Variants in PEAR1 observed in about 807,000 individuals in gnomAD.
PEAR1 encodes multiple EGF-like domains protein 12.
In PEAR1, 113 loss-of-function variants were observed where a neutral mutation model predicts 131.2. That is an observed-to-expected ratio of 0.86 (90% CI 0.74 to 1.01). PEAR1 has a LOEUF of 1.01. Among genes scored for constraint, PEAR1 ranks in the 50% least tolerant of loss-of-function variants. The probability of loss-of-function intolerance (pLI) is 0.00; values close to 1 mark genes in which losing one functional copy is unlikely to be tolerated. For synonymous variants in PEAR1, 565 were observed against 523.3 expected, an observed-to-expected ratio of 1.08 and a Z score of -1.09; for missense variants, 1,408 against 1,391.1, an observed-to-expected ratio of 1.01 and a Z score of -0.19.
At position 156,905,339 on chromosome 1, in the gene PEAR1, C is replaced by G; in HGVS notation, c.222C>G (p.Thr74=). The change falls in exon 4 of 23, where the codon ACC becomes ACG. Residue 74 remains threonine (T), a synonymous_variant. Coordinates refer to ENST00000292357, the MANE Select transcript of PEAR1 (RefSeq NM_001080471.3). ...GCCTCCGCAGGGTTGTATACCGGAC[C>G]GTGTACCGTCAGGTGGTGAAGACGG... ...TCPQPTVVYR[T]VYRQVVKTDH... 1.2e-6 allele frequency: 2 copies of G among 1,612,022 alleles called. No homozygotes were observed. Among genetic ancestry groups the G allele is most frequent in the South Asian group, 2.2e-5 (2 of 91,014 alleles).
intron 1 of PEAR1, among the ~76,000 whole-genome samples, chr1:156,897,777 T>C (rs1649302872): frequency 1.3e-5 from 2 of 152,094 alleles, no homozygotes; most frequent in East Asian, 1.9e-4. Flanking sequence ...ATTTCAGGGG[T>C]GGCCTGAGCC....
intron 14 of PEAR1, 62 bp downstream of exon 14, chr1:156,910,442 C>T: frequency 4.5e-6 from 7 of 1,546,316 alleles, no homozygotes; most frequent in Non-Finnish European, 5.2e-6. Context: ...TGTCAGCTGC[C>T]AGAGCACCCC....
chr1:156,910,706 C>T lies in PEAR1; in HGVS notation c.1914C>T (p.Tyr638=). ...SFCHPSNGTC[Y]CLAGWTGPDC... ...GCCACCCCTCGAACGGGACCTGCTA[C>T]TGCCTGGCTGGCTGGACAGGCCCCG... Residue 638 remains tyrosine (Y), a synonymous_variant, in exon 15 of 23, where the codon TAC becomes TAT. Coordinates refer to ENST00000292357, the MANE Select transcript of PEAR1 (RefSeq NM_001080471.3). The T allele has an allele frequency of 1.2e-6, 2 of 1,613,942 alleles. No individual in the cohort carries two copies. Among genetic ancestry groups the T allele is most frequent in the Non-Finnish European group, 1.7e-6 (2 of 1,179,956 alleles).
In PEAR1 at chr1:156,914,389, A is replaced by G. The variant is rs545650745; in HGVS notation, c.2963-258A>G. Among the ~76,000 whole-genome samples, 159 of 152,290 alleles carry G rather than the reference A, an allele frequency of 1.0e-3. 2 individuals carry two copies. Among genetic ancestry groups the G allele is most frequent in the Non-Finnish European group, 1.8e-4 (12 of 68,012 alleles). ...TTGGTACCCAGAAAAGTAGGGAGCCAGGCAGGTGATAAAGTCTCCTCATAT... is the reference window on the plus strand; with the variant it reads ...TTGGTACCCAGAAAAGTAGGGAGCCGGGCAGGTGATAAAGTCTCCTCATAT... On this transcript the variant is annotated intron_variant, in intron 22 of 22. Coordinates refer to ENST00000292357, the MANE Select transcript of PEAR1 (RefSeq NM_001080471.3).
intron 22 of PEAR1, among the ~76,000 whole-genome samples, chr1:156,914,425 G>A (rs917677151): frequency 6.6e-6 from 1 of 152,190 alleles, no homozygotes; most frequent in African/African-American, 2.4e-5. Context: ...CCTGGGAGGT[G>A]GGCGGGCTGA....
At position 156,912,287 on chromosome 1, in the gene PEAR1, C is replaced by T; in HGVS notation, c.1992C>T (p.Thr664=). The T allele has an allele frequency of 6.2e-7, 1 of 1,613,992 alleles. No individual in the cohort carries two copies. The highest frequency in any genetic ancestry group is 8.5e-7 in the Non-Finnish European group (1 of 1,179,988). ...ACTGGGGAGAAAACTGTGCCCAGACCTGCCAATGTCACCATGGTGGGACCT... is the reference window on the plus strand; with the variant it reads ...ACTGGGGAGAAAACTGTGCCCAGACTTGCCAATGTCACCATGGTGGGACCT... ...PGHWGENCAQ[T]CQCHHGGTCH... The change falls in exon 16 of 23, where the codon ACC becomes ACT. Residue 664 remains threonine, a synonymous_variant. Coordinates refer to ENST00000292357, the MANE Select transcript of PEAR1 (RefSeq NM_001080471.3).
chr1:156,904,925 G>A, intron 3 of PEAR1, 73 bp downstream of exon 3: 2 of 1,599,408 alleles, frequency 1.3e-6, no homozygotes, highest in Non-Finnish European at 1.7e-6. Flanking sequence ...CTGGCCCTCT[G>A]TACCTGTTCA....
chr1:156,915,323 T>C lies in PEAR1; in HGVS notation c.*525T>C, dbSNP rs941337846. 3 of 152,406 alleles carry C rather than the reference T, an allele frequency of 2.0e-5. No homozygotes were observed. The highest frequency in any genetic ancestry group is 7.2e-5 in the African/African-American group (3 of 41,464). 9.4% of individuals were successfully genotyped at this position (152,406 alleles called of 1,614,324 possible). A position where few individuals can be genotyped will look rare whatever the true frequency, so the allele number is the denominator to read the frequency against. On this transcript the variant is annotated 3_prime_UTR_variant, in exon 23 of 23. Coordinates refer to ENST00000292357, the MANE Select transcript of PEAR1 (RefSeq NM_001080471.3). Reference sequence around the variant, plus strand: ...AATTTCAAAATACAGGCTGGTTAGTTACTCCCTACCTGAAAGCCTTCATAG... The same window carrying C: ...AATTTCAAAATACAGGCTGGTTAGTCACTCCCTACCTGAAAGCCTTCATAG...
rs1387387446 is a variant in PEAR1, at chr1:156,913,266, C to A, written c.2495C>A (p.Pro832His). ...ACCCTGTCGCAGTGCTCCCCAAACC[C>A]CCCACCCCCTAACAAGGTCAGTGCC... ...YHTLSQCSPNPPPPNKVPGPL... is the reference protein window; with the variant it reads ...YHTLSQCSPNHPPPNKVPGPL... The change falls in exon 19 of 23, where the codon CCC becomes CAC. Residue 832 changes from proline to histidine, a missense_variant. Transcript: ENST00000292357. 6.2e-7 allele frequency: 1 copy of A among 1,608,134 alleles called. No homozygotes were observed. The highest frequency in any genetic ancestry group is 1.7e-5 in the Admixed American group (1 of 59,620).
At chr1:156,905,216 C>A in intron 3 of PEAR1, 108 bp from the exon 4 acceptor site, 1 of 1,246,866 alleles carries the variant, frequency 8.0e-7, no homozygotes, top group South Asian at 1.4e-5. Flanking sequence ...TCTATGCGCC[C>A]TCAGCCCAGA....
chr1:156,912,191 G>C, intron 15 of PEAR1, 56 bp from the exon 16 acceptor site: 1 of 1,556,810 alleles, frequency 6.4e-7, no homozygotes, highest in South Asian at 1.2e-5. Flanking sequence ...GGGGCTGAGA[G>C]TTCATCCAGG....
At chr1:156,905,201 C>T (rs12048392) in intron 3 of PEAR1, 123 bp from the exon 4 acceptor site, 69,132 of 1,138,720 alleles carry the variant, frequency 0.061, 5,172 homozygotes, top group East Asian at 0.34. Flanking sequence ...ACAGGGAATG[C>T]GCTTTCTATG....
rs752694854 is a variant in PEAR1, at chr1:156,906,255, CCA to C, written c.308-17_308-16del. 2 of 1,611,442 alleles carry C rather than the reference CCA, an allele frequency of 1.2e-6. No homozygotes were observed. Among genetic ancestry groups the C allele is most frequent in the South Asian group, 1.1e-5 (1 of 91,012 alleles). ...TAGGGGCAGGGGTGGACACATCTCA[CCA>C]CACCCATCTCTGTCCCAGCGCTCTG... On this transcript the variant is annotated intron_variant, in intron 4 of 22. Coordinates refer to ENST00000292357, the MANE Select transcript of PEAR1 (RefSeq NM_001080471.3).
chr1:156,908,196 A>ACGCC lies in PEAR1; in HGVS notation c.974_977dup (p.Cys327ProfsTer111). 1.2e-6 allele frequency: 2 copies of ACGCC among 1,603,062 alleles called. No homozygotes were observed. The highest frequency in any genetic ancestry group is 2.2e-5 in the South Asian group (2 of 90,432). ...GCTGAGACGTGCGACTGCGCCCCGG[A>ACGCC]CGCCCGTTGCTTCCCGGCCAACGGC... is the stretch of plus-strand genomic sequence containing the variant. On this transcript the variant is annotated frameshift_variant, in exon 9 of 23. Coordinates refer to ENST00000292357, the MANE Select transcript of PEAR1 (RefSeq NM_001080471.3). LOFTEE classifies it high-confidence loss of function. This position sits in a 1 kb window ranked among gnomAD's most constrained non-coding sequence, Gnocchi z 4.2.
intron 15 of PEAR1, among the ~76,000 whole-genome samples, chr1:156,911,472 T>C (rs2103020192): frequency 6.6e-6 from 1 of 151,866 alleles, no homozygotes; most frequent in Non-Finnish European, 1.5e-5. Context: ...TAGAGACCCC[T>C]GGGGTTTCAT....
At chr1:156,907,844 T>TG (rs1650516812) in intron 7 of PEAR1, 71 bp from the exon 8 acceptor site, 1 of 1,569,696 alleles carries the variant, frequency 6.4e-7, no homozygotes, top group African/African-American at 1.4e-5. Flanking sequence ...GTTATGGGGG[T>TG]GTCAAGGGGT....
Position 156,902,817 on chromosome 1 carries a change from C to A in PEAR1, c.-9-1101C>A, listed in dbSNP as rs1413518631. ...TGGGCACTGCGGTAACTCATCCTCT[C>A]CTGAGCTCAGGAGCTGAGGCAGCAG... is the stretch of plus-strand genomic sequence containing the variant. On this transcript the variant is annotated intron_variant, in intron 1 of 22. Transcript: ENST00000292357. This position sits in a 1 kb window ranked among gnomAD's most constrained non-coding sequence, Gnocchi z 4.3. Among the ~76,000 whole-genome samples, 1 of 152,124 alleles carries A rather than the reference C, an allele frequency of 6.6e-6. No homozygotes were observed. The highest frequency in any genetic ancestry group is 1.5e-5 in the Non-Finnish European group (1 of 68,018).
chr1:156,912,805 C>G lies in PEAR1; in HGVS notation c.2245C>G (p.Pro749Ala). 6.2e-7 allele frequency: 1 copy of G among 1,614,248 alleles called. No individual in the cohort carries two copies. The highest frequency in any genetic ancestry group is 8.5e-7 in the Non-Finnish European group (1 of 1,180,044). Residue 749 changes from proline to alanine, a missense_variant, in exon 18 of 23, where the codon CCA (proline) becomes GCA (alanine). Physicochemically the swap from Pro to Ala is conservative, Grantham distance 27. Transcript: ENST00000292357. Reference sequence around the variant, plus strand: ...GCCCTTTACTGTGATGCCGACCACTCCAGTAGCGTATAACTCGCTGGGTGC... The same window carrying G: ...GCCCTTTACTGTGATGCCGACCACTGCAGTAGCGTATAACTCGCTGGGTGC... ...QEPFTVMPTT[P>A]VAYNSLGAVI...
chr1:156,914,578 T>A, intron 22 of PEAR1, 69 bp from the exon 23 acceptor site: 2 of 1,481,480 alleles, frequency 1.3e-6, no homozygotes. Flanking sequence ...AGGAGTGCAG[T>A]GGGAGTGGAG....
Sources: allele counts gnomAD v4.1 joint callset (sites outside exome capture counted in the v4.1 genomes callset), GRCh38; gene constraint gnomAD v4.1.1; non-coding constraint Gnocchi (gnomAD v3.1); transcripts MANE v1.5; gene names NCBI Gene and HGNC (gene_info 2026-07-23, HGNC 2026-07-21).